The following PLCB1 variants were observed in gnomAD, a reference collection of about 807,000 sequenced individuals.
PLCB1 encodes the protein 1-phosphatidylinositol 4,5-bisphosphate phosphodiesterase beta-1.
Under a neutral mutation model 161.8 loss-of-function variants are expected in PLCB1, and 46 were observed. That is an observed-to-expected ratio of 0.28 (90% CI 0.22 to 0.36). The LOEUF (loss-of-function observed/expected upper bound fraction) is 0.36, where lower values mean the gene tolerates loss of function less well. PLCB1 is among the 10% of genes least tolerant of loss of function. PLCB1 has a pLI of 1.00. For synonymous variants in PLCB1, 517 were observed against 503.7 expected, an observed-to-expected ratio of 1.03 and a Z score of -0.35; for missense variants, 1,016 against 1,472.5, an observed-to-expected ratio of 0.69 and a Z score of 5.07.
At chr20:8,662,188 TTTATTATATAATTCTATATTATATATAA>T (rs1568551271) in intron 9 of PLCB1, among the ~76,000 whole-genome samples, 1 of 78,746 alleles carries the variant, frequency 1.3e-5, no homozygotes, top group Non-Finnish European at 2.4e-5. Context: ...TATATAATTA[TTTATTATATAATTCTATATTATATATAA>T]TTATTATATA....
At chr20:8,365,620 A>C (rs959967217) in intron 2 of PLCB1, among the ~76,000 whole-genome samples, 1 of 152,218 alleles carries the variant, frequency 6.6e-6, no homozygotes, top group Admixed American at 6.5e-5. Context: ...AATGAAAACT[A>C]TTTGTTAAAA....
chr20:8,242,186 C>T (rs946646139), intron 2 of PLCB1, among the ~76,000 whole-genome samples: 5 of 151,676 alleles, frequency 3.3e-5, no homozygotes, highest in Non-Finnish European at 7.4e-5. Context: ...TTTTTTTTCT[C>T]TCTGCAGAAT....
chr20:8,342,643 C>T (rs1393093885), intron 2 of PLCB1, among the ~76,000 whole-genome samples: 1 of 152,204 alleles, frequency 6.6e-6, no homozygotes, highest in Non-Finnish European at 1.5e-5. Context: ...TAGCCCGGCG[C>T]AAGAGCCAGT....
chr20:8,517,672 G>A (rs1438263009), intron 3 of PLCB1, among the ~76,000 whole-genome samples: 1 of 152,208 alleles, frequency 6.6e-6, no homozygotes, highest in Admixed American at 6.5e-5. Flanking sequence ...GGACTGAATA[G>A]GATGGGACCG....
At chr20:8,737,866 T>G (rs1980664462) in intron 20 of PLCB1, among the ~76,000 whole-genome samples, 1 of 152,252 alleles carries the variant, frequency 6.6e-6, no homozygotes, top group African/African-American at 2.4e-5. Flanking sequence ...TTTCCATATG[T>G]TAACTGAGTT....
intron 3 of PLCB1, among the ~76,000 whole-genome samples, chr20:8,438,997 C>T (rs965445202): frequency 6.6e-6 from 1 of 152,130 alleles, no homozygotes; most frequent in African/African-American, 2.4e-5. Flanking sequence ...GGAGAGTCAG[C>T]GACGTGCTCT....
chr20:8,785,388 C>T (rs1267997515), intron 27 of PLCB1, among the ~76,000 whole-genome samples: 1 of 152,164 alleles, frequency 6.6e-6, no homozygotes, highest in East Asian at 1.9e-4. Flanking sequence ...GGTATGTGGA[C>T]TACACTTTGA....
chr20:8,867,027 A>G (rs1987452049), intron 31 of PLCB1, among the ~76,000 whole-genome samples: 1 of 152,202 alleles, frequency 6.6e-6, no homozygotes, highest in African/African-American at 2.4e-5. Context: ...AAGAAAAAGA[A>G]AAACCAAAAC....
chr20:8,516,512 C>T (rs1283483668), intron 3 of PLCB1, among the ~76,000 whole-genome samples: 1 of 151,874 alleles, frequency 6.6e-6, no homozygotes, highest in Admixed American at 6.6e-5. Context: ...GAGATAGTTT[C>T]CCTTTTATAC....
intron 2 of PLCB1, among the ~76,000 whole-genome samples, chr20:8,299,727 T>G (rs1452597700): frequency 6.6e-6 from 1 of 152,204 alleles, no homozygotes; most frequent in African/African-American, 2.4e-5. Flanking sequence ...AAACTGGATG[T>G]CAAGGAGTCT....
intron 27 of PLCB1, among the ~76,000 whole-genome samples, chr20:8,785,770 G>A (rs988762675): frequency 6.6e-6 from 1 of 152,152 alleles, no homozygotes; most frequent in African/African-American, 2.4e-5. Context: ...GGCCGATGCT[G>A]CTGAGGATAA....
chr20:8,186,370 T>C (rs2051906227), intron 2 of PLCB1, among the ~76,000 whole-genome samples: 2 of 152,204 alleles, frequency 1.3e-5, no homozygotes, highest in Admixed American at 1.3e-4. Flanking sequence ...TAGTTGCATA[T>C]ACCTTGAAAT....
At chr20:8,309,652 G>GAGA (rs1984301075) in intron 2 of PLCB1, among the ~76,000 whole-genome samples, 1 of 152,194 alleles carries the variant, frequency 6.6e-6, no homozygotes, top group African/African-American at 2.4e-5. Flanking sequence ...GCTATAGGGT[G>GAGA]AGAAGCAATC....
intron 3 of PLCB1, among the ~76,000 whole-genome samples, chr20:8,555,569 G>T (rs1432102965): frequency 6.6e-6 from 1 of 152,072 alleles, no homozygotes; most frequent in African/African-American, 2.4e-5. Context: ...CCCTGGAAAG[G>T]TCATCTATCT....
chr20:8,605,049 A>G (rs1276942893), intron 3 of PLCB1, among the ~76,000 whole-genome samples: 1 of 152,128 alleles, frequency 6.6e-6, no homozygotes, highest in East Asian at 1.9e-4. Flanking sequence ...TTACTGTATA[A>G]CCCTGTAATC....
intron 3 of PLCB1, among the ~76,000 whole-genome samples, chr20:8,393,940 A>G (rs1158603363): frequency 6.6e-6 from 1 of 152,112 alleles, no homozygotes; most frequent in African/African-American, 2.4e-5. Flanking sequence ...GGCCTTTTTC[A>G]TATATCTTGA....
At chr20:8,444,799 G>A (rs1980741717) in intron 3 of PLCB1, among the ~76,000 whole-genome samples, 1 of 152,088 alleles carries the variant, frequency 6.6e-6, no homozygotes, top group Non-Finnish European at 1.5e-5. Flanking sequence ...CTGATGGCCA[G>A]TGATGATGAG....
At chr20:8,501,354 T>C in intron 3 of PLCB1, among the ~76,000 whole-genome samples, 1 of 152,248 alleles carries the variant, frequency 6.6e-6, no homozygotes, top group East Asian at 1.9e-4. Context: ...CCCAGGTGCC[T>C]AGCACAGTGC....
intron 2 of PLCB1, among the ~76,000 whole-genome samples, chr20:8,297,185 A>G (rs1983673530): frequency 6.6e-6 from 1 of 152,154 alleles, no homozygotes; most frequent in Admixed American, 6.6e-5. Context: ...GTATACATGC[A>G]TGTATATATT....
Sources: allele counts gnomAD v4.1 joint callset (sites outside exome capture counted in the v4.1 genomes callset), GRCh38; gene constraint gnomAD v4.1.1; transcripts MANE v1.5; gene names NCBI Gene and HGNC (gene_info 2026-07-23, HGNC 2026-07-21).